C6orf89: variants seen among roughly 807,000 people sequenced by gnomAD.
The protein encoded by C6orf89 is chromosome 6 open reading frame 89.
C6orf89 carries 29 observed loss-of-function variants against 40.7 expected under a neutral mutation model. The observed-to-expected ratio is 0.71, with a 90% CI of 0.53 to 0.97. C6orf89 has a LOEUF of 0.97. Among genes scored for constraint, C6orf89 ranks in the 50% least tolerant of loss-of-function variants. The pLI is 0.00. For synonymous variants in C6orf89, 165 were observed against 152.2 expected, an observed-to-expected ratio of 1.08 and a Z score of -0.62; for missense variants, 392 against 429.1, an observed-to-expected ratio of 0.91 and a Z score of 0.76.
Position 36,899,561 on chromosome 6 carries a change from C to T in C6orf89, c.117C>T (p.Ile39=). 6.2e-7 allele frequency: 1 copy of T among 1,614,164 alleles called. No homozygotes were observed. Among genetic ancestry groups the T allele is most frequent in the South Asian group, 1.1e-5 (1 of 91,086 alleles). The change falls in exon 3 of 9, where the codon ATC becomes ATT. Residue 39 remains isoleucine (I), a synonymous_variant. Coordinates refer to ENST00000480824, the MANE Select transcript of C6orf89 (RefSeq NM_001286635.2). ...CAGAGAAGGCAATTGAAAAATTTAT[C>T]AGACAGCTGCTGGAAAAGAATGAAC... ...GMSEKAIEKF[I]RQLLEKNEPQ...
At chr6:36,898,994 T>C (rs1359756613) in intron 2 of C6orf89, among the ~76,000 whole-genome samples, 1 of 152,218 alleles carries the variant, frequency 6.6e-6, no homozygotes. Flanking sequence ...CCTCTTGTGT[T>C]GAACACAAAT....
Position 36,916,548 on chromosome 6 carries a change from C to T in C6orf89, c.799C>T (p.His267Tyr). The T allele has an allele frequency of 6.8e-6, 11 of 1,614,202 alleles. No homozygotes were observed. The highest frequency in any genetic ancestry group is 9.3e-6 in the Non-Finnish European group (11 of 1,180,034). ...CTCTTTAAACAAGTGCTCCTTTCTT[C>T]ACCCAGAACCTGTTGTGGGGAGTAA... The part of the protein sequence containing the change: ...DASLNKCSFL[H>Y]PEPVVGSKMH... The change falls in exon 7 of 9, where the codon CAC becomes TAC. Residue 267 changes from histidine to tyrosine, a missense_variant. Coordinates refer to ENST00000480824, the MANE Select transcript of C6orf89 (RefSeq NM_001286635.2).
chr6:36,882,763 C>G (rs1774858032), upstream of C6orf89, among the ~76,000 whole-genome samples: 1 of 130,960 alleles, frequency 7.6e-6, no homozygotes, highest in Admixed American at 8.8e-5. Context: ...CGGAGTCTCG[C>G]TCTGTCGCCC....
intron 2 of C6orf89, among the ~76,000 whole-genome samples, chr6:36,879,536 G>A (rs1249712604): frequency 6.6e-6 from 1 of 152,252 alleles, no homozygotes; most frequent in African/African-American, 2.4e-5. Context: ...GCAAATGGTT[G>A]AATGAATGGT....
chr6:36,891,593 G>A (rs1417544458), intron 1 of C6orf89, among the ~76,000 whole-genome samples: 1 of 152,150 alleles, frequency 6.6e-6, no homozygotes, highest in East Asian at 1.9e-4. Context: ...ATGGTTGAAG[G>A]AGCACTTTTT....
intron 8 of C6orf89, 87 bp downstream of exon 8, chr6:36,919,788 CA>C: frequency 7.3e-7 from 1 of 1,378,434 alleles, no homozygotes; most frequent in Non-Finnish European, 9.7e-7. Context: ...ACTGCCTTCA[CA>C]AAAGTTTTAT....
chr6:36,891,945 AT>A lies in C6orf89; in HGVS notation c.-119-2558del, dbSNP rs202152076. On this transcript the variant is annotated intron_variant, in intron 1 of 8. Coordinates refer to ENST00000480824, the MANE Select transcript of C6orf89 (RefSeq NM_001286635.2). ...GCATATCAGTGTTCAGGACTTACTT[AT>A]CTCTATAGAGGAATTAGTTCTCTGT... Among the ~76,000 whole-genome samples the A allele has an allele frequency of 1.4e-3, 209 of 152,362 alleles. 3 individuals are homozygous for A. The highest frequency in any genetic ancestry group is 9.7e-3 in the Admixed American group (148 of 15,308).
chr6:36,886,252 C>T (rs1484406362), intron 1 of C6orf89, among the ~76,000 whole-genome samples: 1 of 152,186 alleles, frequency 6.6e-6, no homozygotes, highest in Non-Finnish European at 1.5e-5. Context: ...TTCTTTGACT[C>T]CGCCGGGGAG....
chr6:36,919,989 G>A (rs751578152), intron 8 of C6orf89, among the ~76,000 whole-genome samples: 6 of 152,122 alleles, frequency 3.9e-5, no homozygotes, highest in Admixed American at 1.3e-4. Context: ...CCAATCCCTC[G>A]TTTTATAGAT....
chr6:36,919,682 A>G lies in C6orf89; in HGVS notation c.930A>G (p.Pro310=), dbSNP rs1379252270. The change falls in exon 8 of 9, where the codon CCA becomes CCG. Residue 310 remains proline (P), a synonymous_variant. Transcript: ENST00000480824. ...CRRHCQSVAM[P]IEPGDIGYVD... ...GACATTGTCAGTCTGTGGCCATGCC[A>G]ATAGAGCCAGGGGATATCGGTATGT... 3.1e-6 allele frequency: 5 copies of G among 1,613,938 alleles called. No individual in the cohort carries two copies. Among genetic ancestry groups the G allele is most frequent in the Non-Finnish European group, 3.4e-6 (4 of 1,179,864 alleles).
At chr6:36,874,012 T>C (rs939602812) in intron 1 of C6orf89, among the ~76,000 whole-genome samples, 4 of 152,194 alleles carry the variant, frequency 2.6e-5, no homozygotes, top group African/African-American at 9.7e-5. Context: ...TGAATAGAGC[T>C]AAAGGATCTA....
At chr6:36,887,896 A>T (rs1320837759) in intron 1 of C6orf89, among the ~76,000 whole-genome samples, 6 of 151,500 alleles carry the variant, frequency 4.0e-5, no homozygotes, top group Non-Finnish European at 7.4e-5. Flanking sequence ...TTTTATTTTT[A>T]TTTTTTTTGT....
chr6:36,876,807 G>T (rs892725168), intron 1 of C6orf89, among the ~76,000 whole-genome samples: 13 of 151,862 alleles, frequency 8.6e-5, no homozygotes, highest in African/African-American at 3.1e-4. Context: ...GAGTAGGTTT[G>T]GACAGTCAAA....
Position 36,928,922 on chromosome 6 carries a change from A to G in C6orf89, c.*5481A>G, listed in dbSNP as rs1039013683. On this transcript the variant is annotated 3_prime_UTR_variant, in exon 9 of 9. Coordinates refer to ENST00000480824, the MANE Select transcript of C6orf89 (RefSeq NM_001286635.2). ...ATGTAAATTAAAGTTTATTGTAATG[A>G]AGGTTTTTACTTTTTGCAATTAAAA... The G allele has an allele frequency of 5.3e-5, 8 of 152,222 alleles. 1 individual carries two copies. The highest frequency in any genetic ancestry group is 4.6e-4 in the Admixed American group (7 of 15,284). 9.4% of individuals were successfully genotyped at this position (152,222 alleles called of 1,614,324 possible).
In C6orf89 at chr6:36,923,807, G is replaced by T. The variant is rs1762593928; in HGVS notation, c.*366G>T. Reference sequence around the variant, plus strand: ...GCCAGCTTCCTTCCCTGGCAGTGGAGAGGGCAGCCAACAGGTTCTAATGTC... The same window carrying T: ...GCCAGCTTCCTTCCCTGGCAGTGGATAGGGCAGCCAACAGGTTCTAATGTC... On this transcript the variant is annotated 3_prime_UTR_variant, in exon 9 of 9. Transcript: ENST00000480824. The T allele has an allele frequency of 2.9e-6, 1 of 347,476 alleles. No homozygotes were observed. Among genetic ancestry groups the T allele is most frequent in the Admixed American group, 4.0e-5 (1 of 24,968 alleles). 21.5% of individuals were successfully genotyped at this position (347,476 alleles called of 1,614,324 possible). A position where few individuals can be genotyped will look rare whatever the true frequency, so the allele number is the denominator to read the frequency against.
chr6:36,902,164 C>T, intron 3 of C6orf89, 57 bp from the exon 4 acceptor site: 9 of 1,437,306 alleles, frequency 6.3e-6, no homozygotes, highest in Middle Eastern at 1.9e-4. Context: ...TGTTTTTTTT[C>T]TTGGTATTAA....
chr6:36,894,563 G>A lies in C6orf89; in HGVS notation c.-60G>A. On this transcript the variant is annotated 5_prime_UTR_variant, in exon 2 of 9. It adds an upstream start codon to the 5' untranslated region. Transcript: ENST00000480824. ...CCGCTCAGTTGTGATCAAGGGACACGTGGTTTCCGAACTGCCAGCTCAGAA... is the reference window on the plus strand; with the variant it reads ...CCGCTCAGTTGTGATCAAGGGACACATGGTTTCCGAACTGCCAGCTCAGAA... 5.1e-6 allele frequency: 5 copies of A among 985,384 alleles called. No homozygotes were observed. The highest frequency in any genetic ancestry group is 2.4e-6 in the Non-Finnish European group (2 of 829,912). The allele number at this position is 985,384 out of a possible 1,614,324, so 61.0% of individuals were successfully genotyped here.
chr6:36,888,524 C>G (rs1339320592), intron 1 of C6orf89, among the ~76,000 whole-genome samples: 1 of 152,150 alleles, frequency 6.6e-6, no homozygotes, highest in Non-Finnish European at 1.5e-5. Context: ...CTCCCAGCTA[C>G]TCCAGAGGCT....
intron 1 of C6orf89, among the ~76,000 whole-genome samples, chr6:36,891,994 T>C (rs914802377): frequency 6.6e-6 from 1 of 152,250 alleles, no homozygotes; most frequent in African/African-American, 2.4e-5. Flanking sequence ...AAGAGAAGTT[T>C]ACATTTCTCT....
Sources: gnomAD v4.1 joint callset for allele counts (sites outside exome capture counted in the v4.1 genomes callset) on GRCh38, gnomAD v4.1.1 for gene constraint, MANE v1.5 for transcripts, NCBI Gene and HGNC (gene_info 2026-07-23, HGNC 2026-07-21) for gene names.